TMEM192: variants seen among roughly 807,000 people sequenced by gnomAD.
The protein encoded by TMEM192 is transmembrane protein 192.
Under a neutral mutation model 26.7 loss-of-function variants are expected in TMEM192, and 20 were observed. The ratio of observed to expected loss-of-function variants is 0.75; its 90% CI spans 0.53 to 1.09. TMEM192 has a LOEUF of 1.09. Ranked by LOEUF, TMEM192 falls within the 50% of genes least tolerant of loss-of-function variation. The probability of loss-of-function intolerance (pLI) is 0.00; values close to 1 mark genes in which losing one functional copy is unlikely to be tolerated. For missense variants in TMEM192, 304 were observed against 322.6 expected, an observed-to-expected ratio of 0.94 and a Z score of 0.44; for synonymous variants, 124 against 121.0, an observed-to-expected ratio of 1.02 and a Z score of -0.16.
chr4:165,098,643 C>T (rs1734970013), intron 3 of TMEM192, among the ~76,000 whole-genome samples: 1 of 151,058 alleles, frequency 6.6e-6, no homozygotes, highest in Non-Finnish European at 1.5e-5. Flanking sequence ...TTTCTTTTTC[C>T]TTCTTTTTCT....
At chr4:165,088,431 G>A (rs377365455) in intron 4 of TMEM192, 37 bp downstream of exon 4, 43 of 1,588,002 alleles carry the variant, frequency 2.7e-5, no homozygotes, top group Non-Finnish European at 2.9e-5. Context: ...GAAGCAGTTC[G>A]AAGTTCCTAT....
intron 3 of TMEM192, among the ~76,000 whole-genome samples, 180 bp downstream of exon 3, chr4:165,100,448 G>A (rs1219771838): frequency 3.9e-5 from 6 of 152,106 alleles, no homozygotes; most frequent in South Asian, 4.1e-4. Flanking sequence ...GTGAGCCACC[G>A]CACCCGGCCA....
intron 1 of TMEM192, among the ~76,000 whole-genome samples, chr4:165,106,158 A>G (rs1735153997): frequency 6.6e-6 from 1 of 152,186 alleles, no homozygotes; most frequent in South Asian, 2.1e-4. Context: ...ATAGCAACCC[A>G]AACAAAGACA....
intron 2 of TMEM192, 52 bp from the exon 3 acceptor site, chr4:165,100,944 G>GCAATAA (rs1180607458): frequency 9.4e-6 from 12 of 1,274,340 alleles, no homozygotes; most frequent in Admixed American, 2.3e-5. Context: ...TAATTAGGAA[G>GCAATAA]CAATAACTAC....
At chr4:165,108,031 T>C (rs2110800308) in intron 1 of TMEM192, among the ~76,000 whole-genome samples, 1 of 152,220 alleles carries the variant, frequency 6.6e-6, no homozygotes, top group Admixed American at 6.5e-5. Context: ...TTCCTGCCTC[T>C]TAGCATGCCT....
chr4:165,081,215 C>A (rs1734511591), intron 5 of TMEM192, among the ~76,000 whole-genome samples: 1 of 141,784 alleles, frequency 7.1e-6, no homozygotes, highest in African/African-American at 2.6e-5. Flanking sequence ...TATGTATAAA[C>A]CACCTAGGAA....
At chr4:165,081,448 A>C (rs1017729745) in intron 5 of TMEM192, among the ~76,000 whole-genome samples, 5 of 138,422 alleles carry the variant, frequency 3.6e-5, no homozygotes, top group African/African-American at 1.1e-4. Flanking sequence ...CAGTGGTGCG[A>C]TCTCAGCTCA....
Position 165,100,693 on chromosome 4 carries a change from C to T in TMEM192, c.374G>A (p.Gly125Asp). 1.2e-6 allele frequency: 2 copies of T among 1,614,040 alleles called. No individual in the cohort carries two copies. Among genetic ancestry groups the T allele is most frequent in the African/African-American group, 2.7e-5 (2 of 74,996 alleles). The change falls in exon 3 of 6, where the codon GGC becomes GAC. Residue 125 changes from glycine to aspartate, a missense_variant. Gly to Asp is a moderately conservative substitution (Grantham distance 94). Coordinates refer to ENST00000306480, the MANE Select transcript of TMEM192 (RefSeq NM_001100389.2). ...QYHHSKIRNRGYNLIYRSTRH... is the reference protein window; with the variant it reads ...QYHHSKIRNRDYNLIYRSTRH... ...TGTTGATCGGTAGATCAAGTTATAG[C>T]CTCGGTTTCTGATTTTGCTGTGGTG...
chr4:165,084,325 A>G (rs1318829500), intron 5 of TMEM192, among the ~76,000 whole-genome samples: 1 of 151,418 alleles, frequency 6.6e-6, no homozygotes, highest in Non-Finnish European at 1.5e-5. Flanking sequence ...CAGCCTCTCA[A>G]GTAGCTGGGA....
chr4:165,106,918 C>G (rs1293775144), intron 1 of TMEM192, among the ~76,000 whole-genome samples: 1 of 152,196 alleles, frequency 6.6e-6, no homozygotes, highest in Non-Finnish European at 1.5e-5. Flanking sequence ...TTCTGTCCCT[C>G]TGGATAATCC....
chr4:165,091,718 T>C (rs925663956), intron 3 of TMEM192, among the ~76,000 whole-genome samples: 7 of 152,236 alleles, frequency 4.6e-5, no homozygotes, highest in African/African-American at 1.4e-4. Context: ...TAATGGCCCA[T>C]AATACAACTA....
intron 1 of TMEM192, among the ~76,000 whole-genome samples, chr4:165,109,924 C>T (rs192816474): frequency 1.3e-5 from 2 of 152,120 alleles, no homozygotes; most frequent in Non-Finnish European, 2.9e-5. Context: ...ACTTATTGCC[C>T]ATAATATTCA....
intron 3 of TMEM192, among the ~76,000 whole-genome samples, chr4:165,095,060 C>T (rs1734863713): frequency 6.6e-6 from 1 of 151,986 alleles, no homozygotes; most frequent in Admixed American, 6.6e-5. Flanking sequence ...CTGGGCGGTC[C>T]TGTAATGACC....
At chr4:165,095,926 C>T (rs984638851) in intron 3 of TMEM192, among the ~76,000 whole-genome samples, 1 of 150,776 alleles carries the variant, frequency 6.6e-6, no homozygotes, top group Admixed American at 6.7e-5. Context: ...AGGCGCCCAC[C>T]ACCACCCCAG....
chr4:165,081,509 G>A (rs1319837487), intron 5 of TMEM192, among the ~76,000 whole-genome samples: 4 of 72,884 alleles, frequency 5.5e-5, no homozygotes, highest in African/African-American at 3.7e-5. Flanking sequence ...TCAGCCTCCT[G>A]AGTAGCTGGG....
At chr4:165,111,427 G>A (rs987357314) in intron 1 of TMEM192, among the ~76,000 whole-genome samples, 16 of 152,310 alleles carry the variant, frequency 1.1e-4, no homozygotes, top group Non-Finnish European at 1.9e-4. Context: ...CAGATTTCTA[G>A]TACTATATGC....
At chr4:165,105,195 A>C (rs1292585338) in intron 1 of TMEM192, among the ~76,000 whole-genome samples, 2 of 152,140 alleles carry the variant, frequency 1.3e-5, no homozygotes, top group African/African-American at 4.8e-5. Context: ...TTGTCTTTGT[A>C]ATCCCAGCAC....
Position 165,100,656 on chromosome 4 carries a change from C to T in TMEM192, c.411G>A (p.Lys137=). 6.2e-7 allele frequency: 1 copy of T among 1,614,194 alleles called. No individual in the cohort carries two copies. Among genetic ancestry groups the T allele is most frequent in the Non-Finnish European group, 8.5e-7 (1 of 1,180,034 alleles). The part of the protein sequence containing the change: ...NLIYRSTRHL[K]RLALMIQSSG... The stretch of plus-strand genomic sequence containing the variant: ...AGGACTGTATCATCAACGCAAGTCT[C>T]TTGAGATGCCTTGTTGATCGGTAGA... The change falls in exon 3 of 6, where the codon AAG becomes AAA. Residue 137 remains lysine, a synonymous_variant. Transcript: ENST00000306480.
intron 5 of TMEM192, among the ~76,000 whole-genome samples, chr4:165,080,711 A>T (rs563240027): frequency 1.9e-4 from 29 of 152,228 alleles, no homozygotes; most frequent in African/African-American, 6.5e-4. Flanking sequence ...ATGTAACCAC[A>T]TTACTATTAT....
Sources: allele counts gnomAD v4.1 joint callset (sites outside exome capture counted in the v4.1 genomes callset), GRCh38; gene constraint gnomAD v4.1.1; transcripts MANE v1.5; gene names NCBI Gene and HGNC (gene_info 2026-07-23, HGNC 2026-07-21).